Variants in CUL2 observed in about 807,000 individuals in gnomAD.
CUL2 encodes cullin 2.
In CUL2, 22 loss-of-function variants were observed where a neutral mutation model predicts 110.2. The observed-to-expected ratio is 0.20, with a 90% CI of 0.14 to 0.28. CUL2 has a LOEUF of 0.28. CUL2 is among the 10% of genes least tolerant of loss of function. CUL2 has a pLI of 1.00. For synonymous variants in CUL2, 279 were observed against 293.2 expected (o/e 0.95, Z 0.49); for missense variants, 631 against 905.5 (o/e 0.70, Z 3.89).
At chr10:35,013,628 T>A (rs12250115) in intron 19 of CUL2, 71 bp downstream of exon 19, 1 of 980,278 alleles carries the variant, frequency 1.0e-6, no homozygotes, top group African/African-American at 1.7e-5. Context: ...ACAATCTCAA[T>A]GTAAACACTT....
intron 2 of CUL2, among the ~76,000 whole-genome samples, chr10:35,065,794 G>A (rs1355697691): frequency 6.6e-6 from 1 of 151,848 alleles, no homozygotes; most frequent in South Asian, 2.1e-4. Flanking sequence ...AGGAGGCGGA[G>A]GTTGCAGTGA....
upstream of CUL2, among the ~76,000 whole-genome samples, chr10:35,092,757 T>C (rs982671379): frequency 3.9e-5 from 6 of 151,952 alleles, no homozygotes. Context: ...ATGGTTTAAC[T>C]TGAAAGCTAA....
chr10:35,120,501 A>T (rs1476851555), intron 1 of CUL2: 1 of 152,234 alleles, frequency 6.6e-6, no homozygotes, highest in Non-Finnish European at 1.5e-5. Context: ...TGATGGCACT[A>T]TAACCTACAA....
At chr10:35,099,649 G>A (rs1377943793) in intron 2 of CUL2, 2 of 152,074 alleles carry the variant, frequency 1.3e-5, no homozygotes, top group Non-Finnish European at 2.9e-5. Context: ...GGTGGTGCAT[G>A]CCTATGATCC....
intron 2 of CUL2, among the ~76,000 whole-genome samples, chr10:35,098,708 A>T (rs1482986206): frequency 6.6e-6 from 1 of 152,116 alleles, no homozygotes. Context: ...ACACGGGTGG[A>T]TCACCTGAGG....
intron 1 of CUL2, among the ~76,000 whole-genome samples, chr10:35,082,499 G>A (rs1439065050): frequency 6.6e-6 from 1 of 152,138 alleles, no homozygotes; most frequent in Non-Finnish European, 1.5e-5. Context: ...GGGTCACAAT[G>A]ACACTGTAAA....
chr10:35,119,255 C>A (rs75729742), intron 1 of CUL2, among the ~76,000 whole-genome samples: 22,968 of 152,150 alleles, frequency 0.15, 1,956 homozygotes, highest in East Asian at 0.24. Flanking sequence ...TCAGTTTCAG[C>A]TTCAAAGTAC....
rs1589072991 is a variant in CUL2, at chr10:35,119,283, G to A, written c.-51+7322C>T. Reference sequence around the variant, plus strand: ...CAAAGTACCTGTTTTCATTGGTTCAGTTATTTTATCTTAAAAAGGAGGTAA... The same window carrying A: ...CAAAGTACCTGTTTTCATTGGTTCAATTATTTTATCTTAAAAAGGAGGTAA... On this transcript the variant is annotated intron_variant, in intron 1 of 5. Transcript: ENST00000685421. Among the ~76,000 whole-genome samples, 3 of 152,294 alleles carry A rather than the reference G, an allele frequency of 2.0e-5. No individual in the cohort carries two copies. The South Asian group carries it at 6.2e-4, about 32-fold the overall frequency.
intron 1 of CUL2, among the ~76,000 whole-genome samples, chr10:35,117,337 C>T (rs2087621092): frequency 6.6e-6 from 1 of 152,156 alleles, no homozygotes; most frequent in African/African-American, 2.4e-5. Flanking sequence ...ATCTCACAGG[C>T]TCAATCCTCC....
chr10:35,051,198 C>A (rs1325512685), intron 5 of CUL2, among the ~76,000 whole-genome samples: 1 of 151,384 alleles, frequency 6.6e-6, no homozygotes, highest in Non-Finnish European at 1.5e-5. Context: ...GCCTATAGTC[C>A]CAGCTATGCG....
At chr10:35,106,055 A>G (rs1217460236) in intron 1 of CUL2, among the ~76,000 whole-genome samples, 1 of 152,154 alleles carries the variant, frequency 6.6e-6, no homozygotes, top group Non-Finnish European at 1.5e-5. Flanking sequence ...CAAAATTCGT[A>G]TGTTGAAACC....
intron 1 of CUL2, among the ~76,000 whole-genome samples, chr10:35,072,297 G>A (rs1487623014): frequency 6.6e-6 from 1 of 151,500 alleles, no homozygotes; most frequent in East Asian, 1.9e-4. Context: ...CCAGATTCTT[G>A]GGGTATCTAC....
At chr10:35,052,336 G>A (rs1377266337) in intron 5 of CUL2, among the ~76,000 whole-genome samples, 1 of 152,130 alleles carries the variant, frequency 6.6e-6, no homozygotes, top group East Asian at 1.9e-4. Flanking sequence ...GGGCAAACTG[G>A]TAAAGGCCCT....
chr10:35,085,854 T>C (rs936657681), intron 1 of CUL2, among the ~76,000 whole-genome samples: 27 of 152,210 alleles, frequency 1.8e-4, no homozygotes, highest in African/African-American at 5.8e-4. Context: ...GAAACAGCTT[T>C]TTACAGCGAG....
At chr10:35,022,258 G>T (rs957086595) in intron 17 of CUL2, among the ~76,000 whole-genome samples, 2 of 152,182 alleles carry the variant, frequency 1.3e-5, no homozygotes, top group African/African-American at 2.4e-5. Context: ...ATTTGCTTAA[G>T]ATTACACAGC....
chr10:35,028,480 G>A (rs1249784717), intron 16 of CUL2, among the ~76,000 whole-genome samples: 1 of 152,146 alleles, frequency 6.6e-6, no homozygotes, highest in African/African-American at 2.4e-5. Flanking sequence ...AGGAAAACTG[G>A]TAAGTGATAT....
chr10:35,029,500 T>A lies in CUL2; in HGVS notation c.1527A>T (p.Ile509=), dbSNP rs368530802. Residue 509 remains isoleucine (I), a synonymous_variant, in exon 15 of 21, where the codon ATA becomes ATT. Transcript: ENST00000374749. ...CACATATTCATACCTGTAGAACATA[T>A]ATTTGAAAACTAATTCCCAAATCTA... ...TVIDLGISFQ[I]YVLQAGAWPL... 6 of 1,549,962 alleles carry A rather than the reference T, an allele frequency of 3.9e-6. No homozygotes were observed. In the African/African-American group the frequency reaches 8.4e-5, roughly 22 times the overall value.
intron 17 of CUL2, among the ~76,000 whole-genome samples, chr10:35,022,075 A>G (rs2085215784): frequency 7.4e-6 from 1 of 134,944 alleles, no homozygotes; most frequent in Non-Finnish European, 1.7e-5. Flanking sequence ...GTAACTATGT[A>G]CGTATGTCTG....
chr10:35,070,862 C>T (rs1200730967), intron 2 of CUL2, among the ~76,000 whole-genome samples: 2 of 152,152 alleles, frequency 1.3e-5, no homozygotes, highest in Non-Finnish European at 2.9e-5. Context: ...TTTATCACGA[C>T]CTCTTCTTGA....
Sources: allele counts gnomAD v4.1 joint callset (sites outside exome capture counted in the v4.1 genomes callset), GRCh38; gene constraint gnomAD v4.1.1; transcripts MANE v1.5; gene names NCBI Gene and HGNC (gene_info 2026-07-23, HGNC 2026-07-21).